The following MBOAT7 variants were observed in gnomAD, a reference collection of about 807,000 sequenced individuals.
MBOAT7 encodes membrane bound acylglycerophosphatidylinositol O-acyltransferase MBOAT7.
Under a neutral mutation model 47.4 loss-of-function variants are expected in MBOAT7, and 40 were observed. The ratio of observed to expected loss-of-function variants is 0.84; its 90% CI spans 0.66 to 1.10. The LOEUF (loss-of-function observed/expected upper bound fraction) is 1.10. Ranked by LOEUF, MBOAT7 falls within the 50% of genes least tolerant of loss-of-function variation. The pLI is 0.00. For synonymous variants in MBOAT7, 361 were observed against 292.0 expected (o/e 1.24, Z -2.41); for missense variants, 680 against 655.6 (o/e 1.04, Z -0.41).
intron 4 of MBOAT7, chr19:54,186,888 C>T (rs1358232006): frequency 6.4e-6 from 3 of 468,072 alleles, no homozygotes; most frequent in African/African-American, 1.9e-5. Flanking sequence ...GTAAACCACC[C>T]AGCTGGGCCT....
At chr19:54,182,468 T>C (rs2076314029) in intron 5 of MBOAT7, among the ~76,000 whole-genome samples, 1 of 150,194 alleles carries the variant, frequency 6.7e-6, no homozygotes, top group Non-Finnish European at 1.5e-5. Context: ...ACTCGGTGAA[T>C]ATACTAAAAA....
intron 7 of MBOAT7, among the ~76,000 whole-genome samples, chr19:54,177,248 A>G (rs1302796482): frequency 6.6e-6 from 1 of 151,958 alleles, no homozygotes; most frequent in Non-Finnish European, 1.5e-5. Context: ...CATTTATCTA[A>G]TTAAATTAAA....
chr19:54,184,166 T>C (rs1334677034), intron 4 of MBOAT7, among the ~76,000 whole-genome samples: 3 of 121,668 alleles, frequency 2.5e-5, no homozygotes, highest in African/African-American at 9.8e-5. Flanking sequence ...TCTCTCTTTT[T>C]TTTTTTTTTT....
chr19:54,188,066 A>AAAGG (rs2076499631), intron 3 of MBOAT7, 151 bp downstream of exon 3: 1 of 548,828 alleles, frequency 1.8e-6, no homozygotes, highest in Non-Finnish European at 2.8e-6. Context: ...AGAAAGAAAG[A>AAAGG]AAGACAAACA....
intron 7 of MBOAT7, 164 bp downstream of exon 7, chr19:54,178,601 T>C (rs1232233344): frequency 1.4e-6 from 2 of 1,429,792 alleles, no homozygotes; most frequent in African/African-American, 1.4e-5. Context: ...TACACCGGCA[T>C]GCTGCCACTA....
At chr19:54,178,407 C>G in intron 7 of MBOAT7, 2 of 1,220,830 alleles carry the variant, frequency 1.6e-6, no homozygotes, top group Non-Finnish European at 2.0e-6. Context: ...AAATAGCATT[C>G]ACTCCATTCA....
chr19:54,188,069 G>GAAAA (rs1416964687), intron 3 of MBOAT7, 148 bp downstream of exon 3: 15,175 of 202,502 alleles, frequency 0.075, 2,673 homozygotes, highest in East Asian at 0.38. Flanking sequence ...AAGAAAGAAA[G>GAAAA]ACAAACAAAC....
At position 54,189,478 on chromosome 19, in the gene MBOAT7, G is replaced by C. The variant is rs866597363; in HGVS notation, c.-144C>G. On this transcript the variant is annotated 5_prime_UTR_variant, in exon 1 of 8. Coordinates refer to ENST00000245615, the MANE Select transcript of MBOAT7 (RefSeq NM_024298.5). ...CCCGCCGGGCTGCGCAGATCAGGCC[G>C]GGGAAGAAGCCACGGTCAGGGCCCC... 6.6e-6 allele frequency: 1 copy of C among 152,536 alleles called. No homozygotes were observed. The highest frequency in any genetic ancestry group is 1.5e-5 in the Non-Finnish European group (1 of 68,194). The allele number at this position is 152,536 out of a possible 1,614,324, so 9.4% of individuals were successfully genotyped here.
In MBOAT7 at chr19:54,178,773, A is replaced by G. The variant is rs2076181697; in HGVS notation, c.1023T>C (p.Tyr341=). Residue 341 remains tyrosine (Y), a synonymous_variant, in exon 7 of 8, where the codon TAT becomes TAC. Transcript: ENST00000245615. ...YIYKSAPARS[Y]VLRSAWTMLL... ...TGGGCGGGCTCACTCACCGCAGGAC[A>G]TAGGAACGGGCAGGTGCGCTCTTGT... 2 of 1,613,288 alleles carry G rather than the reference A, an allele frequency of 1.2e-6. No individual in the cohort carries two copies. The highest frequency in any genetic ancestry group is 1.3e-5 in the African/African-American group (1 of 74,948).
chr19:54,176,745 C>T (rs1245746295), intron 7 of MBOAT7, among the ~76,000 whole-genome samples: 1 of 151,926 alleles, frequency 6.6e-6, no homozygotes, highest in Admixed American at 6.6e-5. Flanking sequence ...GCCTCAGCCC[C>T]AGAGCTTTAA....
chr19:54,188,398 C>T (rs370881891), intron 2 of MBOAT7, 35 bp downstream of exon 2: 2 of 1,584,700 alleles, frequency 1.3e-6, no homozygotes, highest in Non-Finnish European at 1.7e-6. Context: ...GGGTCCCCCC[C>T]CTTTATTTTC....
At chr19:54,176,584 T>A (rs918766158) in intron 7 of MBOAT7, among the ~76,000 whole-genome samples, 3 of 152,088 alleles carry the variant, frequency 2.0e-5, no homozygotes, top group South Asian at 4.2e-4. Context: ...TTTAGGAGCA[T>A]CCCTGGCCCC....
chr19:54,175,599 G>A (rs536820163), intron 7 of MBOAT7, among the ~76,000 whole-genome samples: 16 of 152,172 alleles, frequency 1.1e-4, no homozygotes, highest in African/African-American at 3.6e-4. Context: ...ACAGAGTCTC[G>A]CTCTGTTGCC....
chr19:54,174,384 G>T lies in MBOAT7; in HGVS notation c.1079C>A (p.Pro360Gln). ...GGTCAGGAAGCTCAGGTAGTAGCCC[G>T]GGTGGAGGCCGTGCCAGTAGGCGCT... The part of the protein sequence containing the change: ...LLSAYWHGLH[P>Q]GYYLSFLTIP... Residue 360 changes from proline to glutamine, a missense_variant, in exon 8 of 8, where the codon CCG (proline) becomes CAG (glutamine). Coordinates refer to ENST00000245615, the MANE Select transcript of MBOAT7 (RefSeq NM_024298.5). 6.2e-7 allele frequency: 1 copy of T among 1,605,374 alleles called. No homozygotes were observed. Among genetic ancestry groups the T allele is most frequent in the Non-Finnish European group, 8.5e-7 (1 of 1,175,796 alleles).
intron 7 of MBOAT7, among the ~76,000 whole-genome samples, chr19:54,174,736 C>T (rs1196914828): frequency 2.0e-5 from 3 of 151,994 alleles, no homozygotes; most frequent in African/African-American, 7.2e-5. Context: ...ACCCCACCTC[C>T]CTCCTCCCTC....
At chr19:54,184,804 T>C (rs1319665097) in intron 4 of MBOAT7, among the ~76,000 whole-genome samples, 2 of 150,586 alleles carry the variant, frequency 1.3e-5, no homozygotes, top group Non-Finnish European at 2.9e-5. Context: ...CTCAGGAGGC[T>C]GAGGCAGGAG....
chr19:54,179,104 G>C (rs2076198056), intron 6 of MBOAT7, 163 bp from the exon 7 acceptor site: 1 of 935,216 alleles, frequency 1.1e-6, no homozygotes, highest in East Asian at 2.6e-5. Context: ...GGGTGGCCCA[G>C]AGGGTGCCTG....
In MBOAT7 at chr19:54,174,350, C is replaced by G; in HGVS notation, c.1113G>C (p.Leu371=). 6.2e-7 allele frequency: 1 copy of G among 1,612,650 alleles called. No homozygotes were observed. The highest frequency in any genetic ancestry group is 8.5e-7 in the Non-Finnish European group (1 of 1,179,352). ...CCAGCCGGCCCTCGGCAGCCAGGCA[C>G]AGCGGGATGGTCAGGAAGCTCAGGT... is the stretch of plus-strand genomic sequence containing the variant. ...GYYLSFLTIP[L]CLAAEGRLES... is the part of the protein sequence containing the mutation. Residue 371 remains leucine (L), a synonymous_variant, in exon 8 of 8, where the codon CTG becomes CTC. Transcript: ENST00000245615.
In MBOAT7 at chr19:54,188,978, C is replaced by A. The variant is rs375933259; in HGVS notation, c.-4+360G>T. ...TCCAGCGAGGATCCAGGAACCCAGA[C>A]CCCCTCTTTGGATCCCCCATCCCCC... is the stretch of plus-strand genomic sequence containing the variant. On this transcript the variant is annotated intron_variant, in intron 1 of 7. Transcript: ENST00000245615. Among the ~76,000 whole-genome samples the A allele has an allele frequency of 2.7e-3, 414 of 151,196 alleles. 4 individuals carry two copies. Among genetic ancestry groups the A allele is most frequent in the African/African-American group, 9.7e-3 (400 of 41,126 alleles).
Sources: gnomAD v4.1 joint callset for allele counts (sites outside exome capture counted in the v4.1 genomes callset) on GRCh38, gnomAD v4.1.1 for gene constraint, MANE v1.5 for transcripts, NCBI Gene and HGNC (gene_info 2026-07-23, HGNC 2026-07-21) for gene names.